VPS13A: variants seen among roughly 807,000 people sequenced by gnomAD.
VPS13A encodes vacuolar protein sorting 13 homolog A.
A neutral mutation model predicts 390.9 loss-of-function variants in VPS13A; 264 were observed. That is an observed-to-expected ratio of 0.68 (90% confidence interval 0.61 to 0.75). The LOEUF (loss-of-function observed/expected upper bound fraction) is 0.75. Among genes scored for constraint, VPS13A ranks in the 30% least tolerant of loss-of-function variants. The probability of loss-of-function intolerance (pLI) is 0.00; values close to 1 mark genes in which losing one functional copy is unlikely to be tolerated. For synonymous variants in VPS13A, 1,231 were observed against 1,227.1 expected (o/e 1.00, Z -0.07); for missense variants, 3,409 against 3,733.9 (o/e 0.91, Z 2.27).
At chr9:77,215,147 A>G (rs928915672) in intron 10 of VPS13A, among the ~76,000 whole-genome samples, 6 of 152,222 alleles carry the variant, frequency 3.9e-5, no homozygotes, top group Admixed American at 3.9e-4. Flanking sequence ...CTCTACAAAA[A>G]CAAACAAAAA....
rs111563196 is a variant in VPS13A at position 77,214,242 on chromosome 9, C to T, written c.697-87C>T. 7,057 of 1,183,344 alleles carry T rather than the reference C, an allele frequency of 6.0e-3. 100 individuals carry two copies. The highest frequency in any genetic ancestry group is 0.043 in the African/African-American group (2,837 of 66,474). 73.3% of individuals were successfully genotyped at this position (1,183,344 alleles called of 1,614,324 possible). On this transcript the variant is annotated intron_variant, in intron 9 of 71. Coordinates refer to ENST00000360280, the MANE Select transcript of VPS13A (RefSeq NM_033305.3). ...AGTGAGCTGAGATTGCACCACTGCC[C>T]TCCAGCCTGGGTGACAGGGGGAGAC...
chr9:77,366,960 A>G (rs987789454), intron 61 of VPS13A, 88 bp downstream of exon 61: 2 of 1,376,478 alleles, frequency 1.5e-6, no homozygotes, highest in Non-Finnish European at 2.0e-6. Context: ...AAGTGTGTGA[A>G]GTACGTTGCA....
intron 17 of VPS13A, among the ~76,000 whole-genome samples, chr9:77,233,071 G>A (rs181817499): frequency 6.4e-4 from 98 of 152,148 alleles, no homozygotes; most frequent in Admixed American, 9.8e-4. Flanking sequence ...TTTACTATAG[G>A]TTTTTAAGGT....
chr9:77,323,365 A>ACTAC, intron 45 of VPS13A, 138 bp downstream of exon 45: 1 of 1,037,150 alleles, frequency 9.6e-7, no homozygotes, highest in South Asian at 1.4e-5. Context: ...AAGAAGACTC[A>ACTAC]CTACCACCAG....
At chr9:77,282,097 A>G in intron 28 of VPS13A, 24 bp from the exon 29 acceptor site, 3 of 1,611,898 alleles carry the variant, frequency 1.9e-6, no homozygotes, top group South Asian at 1.1e-5. Flanking sequence ...TTGACCTATC[A>G]CTAAAATCAG....
chr9:77,287,118 T>C, intron 31 of VPS13A, among the ~76,000 whole-genome samples: 2 of 148,768 alleles, frequency 1.3e-5, no homozygotes, highest in Middle Eastern at 7.1e-3. Context: ...ATACAATTTA[T>C]ACATTAATAT....
chr9:77,305,160 G>A (rs984377739), intron 34 of VPS13A, among the ~76,000 whole-genome samples: 4 of 152,044 alleles, frequency 2.6e-5, no homozygotes, highest in African/African-American at 7.2e-5. Context: ...GGATGGTCTT[G>A]ATCTCCTGAC....
At chr9:77,318,699 T>A in intron 41 of VPS13A, 108 bp downstream of exon 41, 1 of 1,143,044 alleles carries the variant, frequency 8.7e-7, no homozygotes, top group African/African-American at 1.6e-5. Context: ...TATTTAAGCT[T>A]ATTGTAAATA....
chr9:77,377,561 C>G (rs985679874), intron 67 of VPS13A, among the ~76,000 whole-genome samples: 2 of 152,142 alleles, frequency 1.3e-5, no homozygotes, highest in Non-Finnish European at 2.9e-5. Context: ...TTGAATACAA[C>G]TGTTTTTCTT....
chr9:77,419,953 TG>T lies in VPS13A; in HGVS notation c.*3949del, dbSNP rs1218890560. The T allele has an allele frequency of 6.6e-6, 1 of 152,014 alleles. No individual in the cohort carries two copies. Among genetic ancestry groups the T allele is most frequent in the East Asian group, 1.9e-4 (1 of 5,192 alleles). 9.4% of individuals were successfully genotyped at this position (152,014 alleles called of 1,614,324 possible). A position where few individuals can be genotyped will look rare whatever the true frequency, so the allele number is the denominator to read the frequency against. ...ATCAATGACTTTTTACTAAAAACAGTGGATTTCCTCATTTCTTTAAGATCCA... is the reference window on the plus strand; with the variant it reads ...ATCAATGACTTTTTACTAAAAACAGTGATTTCCTCATTTCTTTAAGATCCA... On this transcript the variant is annotated 3_prime_UTR_variant, in exon 72 of 72. Coordinates refer to ENST00000360280, the MANE Select transcript of VPS13A (RefSeq NM_033305.3).
chr9:77,411,873 A>T (rs1178872635), intron 71 of VPS13A, among the ~76,000 whole-genome samples: 1 of 151,988 alleles, frequency 6.6e-6, no homozygotes, highest in Non-Finnish European at 1.5e-5. Flanking sequence ...GAAAAGAGGG[A>T]AGAATCAAAT....
At chr9:77,279,122 AG>A (rs1352594924) in intron 26 of VPS13A, among the ~76,000 whole-genome samples, 1 of 152,206 alleles carries the variant, frequency 6.6e-6, no homozygotes, top group Non-Finnish European at 1.5e-5. Flanking sequence ...TCGCAAGGGC[AG>A]GGGGCCATTG....
intron 23 of VPS13A, among the ~76,000 whole-genome samples, chr9:77,264,924 T>C (rs1033593583): frequency 2.6e-5 from 4 of 152,156 alleles, no homozygotes; most frequent in Non-Finnish European, 5.9e-5. Flanking sequence ...TATGATATTG[T>C]TTGTTGCTTT....
intron 33 of VPS13A, among the ~76,000 whole-genome samples, chr9:77,297,520 A>G (rs1053770546): frequency 2.0e-5 from 3 of 151,084 alleles, no homozygotes; most frequent in Non-Finnish European, 4.4e-5. Context: ...ATCACTATCC[A>G]TTTTTGATGT....
chr9:77,312,515 C>T (rs1280979384), intron 35 of VPS13A, among the ~76,000 whole-genome samples: 1 of 152,030 alleles, frequency 6.6e-6, no homozygotes, highest in East Asian at 1.9e-4. Context: ...CAAGCTCCGC[C>T]TCCCGGGTTC....
chr9:77,353,911 T>G (rs1831614983), intron 54 of VPS13A, among the ~76,000 whole-genome samples: 1 of 152,148 alleles, frequency 6.6e-6, no homozygotes, highest in Admixed American at 6.5e-5. Context: ...AAAGTATGTT[T>G]TGCATATCAT....
intron 10 of VPS13A, among the ~76,000 whole-genome samples, chr9:77,216,533 A>G (rs889835517): frequency 6.6e-6 from 1 of 152,166 alleles, no homozygotes; most frequent in Non-Finnish European, 1.5e-5. Flanking sequence ...TAGTTAATTT[A>G]TATGATAGAG....
chr9:77,316,209 G>A lies in VPS13A; in HGVS notation c.4666G>A (p.Val1556Ile), dbSNP rs1449651278. The change falls in exon 39 of 72, where the codon GTT (valine) becomes ATT (isoleucine). Residue 1556 changes from valine (V) to isoleucine (I), a missense_variant. Physicochemically the swap from Val to Ile is conservative, Grantham distance 29. Around this residue, in one of 5 missense-constraint regions of VPS13A, gnomAD observed 2,717 missense variants for 2,917.4 expected, o/e 0.93. Coordinates refer to ENST00000360280, the MANE Select transcript of VPS13A (RefSeq NM_033305.3). The part of the protein sequence containing the change: ...TQESVKWEIN[V>I]IIKNPEIVFV... ...GGAATCAGTGAAGTGGGAAATTAATGTTATTATTAAAAATCCTGAAATTGT... is the reference window on the plus strand; with the variant it reads ...GGAATCAGTGAAGTGGGAAATTAATATTATTATTAAAAATCCTGAAATTGT... 6.2e-7 allele frequency: 1 copy of A among 1,612,510 alleles called. No homozygotes were observed. Among genetic ancestry groups the A allele is most frequent in the South Asian group, 1.1e-5 (1 of 90,952 alleles).
In VPS13A at chr9:77,276,083, CA is replaced by C; in HGVS notation, c.2687del (p.His896ProfsTer11). 6.2e-7 allele frequency: 1 copy of C among 1,612,336 alleles called. No homozygotes were observed. Among genetic ancestry groups the C allele is most frequent in the Non-Finnish European group, 8.5e-7 (1 of 1,179,674 alleles). On this transcript the variant is annotated frameshift_variant, in exon 26 of 72. Transcript: ENST00000360280. LOFTEE classifies it high-confidence loss of function. The part of the protein sequence containing the change: ...EVPKVLIEFY[H>X]LVGDCELSVV... ...TCTCCAGGTTTTGATCGAGTTTTAT[CA>C]CCTTGTTGGAGATTGTGAACTATCT... is the stretch of plus-strand genomic sequence containing the variant.
Sources: gnomAD v4.1 joint callset for allele counts (sites outside exome capture counted in the v4.1 genomes callset) on GRCh38, gnomAD v4.1.1 for gene constraint, gnomAD v4.1.1 regional missense constraint, MANE v1.5 for transcripts, NCBI Gene and HGNC (gene_info 2026-07-23, HGNC 2026-07-21) for gene names.